Variants in ZDHHC4 observed in about 807,000 individuals in gnomAD.
The protein encoded by ZDHHC4 is palmitoyltransferase ZDHHC4.
In ZDHHC4, 42 loss-of-function variants were observed where a neutral mutation model predicts 36.7. The ratio of observed to expected loss-of-function variants is 1.14; its 90% CI spans 0.89 to 1.48. ZDHHC4 has a LOEUF of 1.48. ZDHHC4 is among the 40% of genes most tolerant of loss of function. The pLI, the probability that ZDHHC4 is intolerant of heterozygous loss-of-function variation, is 0.00. For synonymous variants in ZDHHC4, 189 were observed against 166.6 expected (o/e 1.13, Z -1.03); for missense variants, 457 against 421.5 (o/e 1.08, Z -0.74).
At chr7:6,580,909 C>A in intron 3 of ZDHHC4, 1 of 521,792 alleles carries the variant, frequency 1.9e-6, no homozygotes, top group Non-Finnish European at 3.4e-6. Flanking sequence ...GAGTGAGACC[C>A]TGTCTCAACA....
At chr7:6,579,155 T>C (rs1266090927) in intron 2 of ZDHHC4, among the ~76,000 whole-genome samples, 1 of 151,390 alleles carries the variant, frequency 6.6e-6, no homozygotes, top group Admixed American at 6.6e-5. Context: ...TTCTTTTTTT[T>C]TCTTAAACCG....
rs1479420889 is a variant in ZDHHC4, at chr7:6,585,103, T to G, written c.584T>G (p.Leu195Arg). Residue 195 changes from leucine (L) to arginine (R), a missense_variant, in exon 7 of 8, where the codon CTC becomes CGC. Physicochemically the swap from Leu to Arg is moderately radical, Grantham distance 102. Transcript: ENST00000335965. ...GGGGCCTGGAACATCAGGTACTTCC[T>G]CATCTACGTCTTGACCTTGACGGCC... ...CIGAWNIRYF[L>R]IYVLTLTASA... 2 of 1,614,028 alleles carry G rather than the reference T, an allele frequency of 1.2e-6. No homozygotes were observed. Among genetic ancestry groups the G allele is most frequent in the East Asian group, 4.5e-5 (2 of 44,882 alleles).
At chr7:6,578,151 G>C (rs1288902339) in intron 1 of ZDHHC4, among the ~76,000 whole-genome samples, 1 of 151,958 alleles carries the variant, frequency 6.6e-6, no homozygotes, top group Non-Finnish European at 1.5e-5. Context: ...TTTTAGAGAT[G>C]GGGTCCAGCT....
intron 2 of ZDHHC4, 32 bp from the exon 3 acceptor site, chr7:6,580,523 C>A (rs746463992): frequency 1.3e-6 from 2 of 1,566,782 alleles, no homozygotes; most frequent in Admixed American, 3.3e-5. Flanking sequence ...CTTTCAGTAG[C>A]AGATAGTCAC....
At chr7:6,585,803 C>G (rs1331928170) in intron 7 of ZDHHC4, among the ~76,000 whole-genome samples, 2 of 151,664 alleles carry the variant, frequency 1.3e-5, no homozygotes, top group African/African-American at 4.8e-5. Context: ...AAGACCCTGT[C>G]TCAGAAACTA....
chr7:6,585,526 C>T (rs891715469), intron 7 of ZDHHC4, among the ~76,000 whole-genome samples: 1 of 151,924 alleles, frequency 6.6e-6, no homozygotes, highest in Non-Finnish European at 1.5e-5. Flanking sequence ...GAGCCAGGGC[C>T]GGGTGCAGTG....
At chr7:6,586,118 A>C (rs1043149716) in intron 7 of ZDHHC4, among the ~76,000 whole-genome samples, 1 of 151,744 alleles carries the variant, frequency 6.6e-6, no homozygotes, top group Non-Finnish European at 1.5e-5. Context: ...GTGCCATTGC[A>C]CTCCAGCCTG....
chr7:6,588,734 AC>A lies in ZDHHC4; in HGVS notation c.860del (p.Thr287IlefsTer68), dbSNP rs1168894887. 9 of 1,614,080 alleles carry A rather than the reference AC, an allele frequency of 5.6e-6. No homozygotes were observed. The highest frequency in any genetic ancestry group is 7.6e-6 in the Non-Finnish European group (9 of 1,180,042). ...VLYLAATNQT[T>X]NEWYRGDWAW... The stretch of plus-strand genomic sequence containing the variant: ...GTATCTGGCGGCCACCAACCAGACT[AC>A]TAACGAGTGGTACAGAGGTGACTGG... On this transcript the variant is annotated frameshift_variant, in exon 8 of 8. Transcript: ENST00000335965. LOFTEE classifies it high-confidence loss of function.
chr7:6,587,207 C>T (rs1380018657), intron 7 of ZDHHC4, among the ~76,000 whole-genome samples: 2 of 152,030 alleles, frequency 1.3e-5, no homozygotes, highest in Non-Finnish European at 2.9e-5. Context: ...ATGACTGGCC[C>T]AGAATCACTT....
intron 2 of ZDHHC4, among the ~76,000 whole-genome samples, chr7:6,580,262 G>C (rs1251346645): frequency 6.6e-6 from 1 of 152,028 alleles, no homozygotes; most frequent in East Asian, 1.9e-4. Context: ...CTGCTTCCCA[G>C]AGTGCTGGGA....
In ZDHHC4 at chr7:6,584,674, C is replaced by T. The variant is rs189485607; in HGVS notation, c.497-342C>T. Among the ~76,000 whole-genome samples, 333 of 152,250 alleles carry T rather than the reference C, an allele frequency of 2.2e-3. 1 individual carries two copies. The highest frequency in any genetic ancestry group is 7.5e-3 in the African/African-American group (311 of 41,546). On this transcript the variant is annotated intron_variant, in intron 6 of 7. Transcript: ENST00000335965. ...TTTGAGATAGGGTCTCACTCCATTA[C>T]CCAGGCTGGAGTGCTGTGACGTGAT...
chr7:6,582,783 T>G (rs1234990340), intron 5 of ZDHHC4, among the ~76,000 whole-genome samples: 1 of 152,180 alleles, frequency 6.6e-6, no homozygotes, highest in Non-Finnish European at 1.5e-5. Flanking sequence ...CCCAAAGTGC[T>G]GAGACTACAG....
rs1780902391 is a variant in ZDHHC4 at position 6,582,207 on chromosome 7, G to A, written c.326G>A (p.Gly109Asp). 2.5e-6 allele frequency: 4 copies of A among 1,614,004 alleles called. No homozygotes were observed. In the East Asian group the frequency reaches 8.9e-5, roughly 36 times the overall value. ...CTTCTTCTGCCCTATCTGCTGCTAG[G>A]TGTAAACCTGTTTTTTTTCACCCTG... ...HYLLLPYLLL[G>D]VNLFFFTLTC... The change falls in exon 5 of 8, where the codon GGT becomes GAT. Residue 109 changes from glycine (G) to aspartate (D), a missense_variant. By Grantham distance (94) the Gly-to-Asp change is moderately conservative (BLOSUM62 -1). Coordinates refer to ENST00000335965, the MANE Select transcript of ZDHHC4 (RefSeq NM_001134389.2).
chr7:6,588,591 A>C, intron 7 of ZDHHC4, 26 bp from the exon 8 acceptor site: 1 of 1,609,568 alleles, frequency 6.2e-7, no homozygotes, highest in Non-Finnish European at 8.5e-7. Flanking sequence ...CAGCTGCCTA[A>C]AGCACTACCT....
chr7:6,579,763 G>T (rs34566172), intron 2 of ZDHHC4, among the ~76,000 whole-genome samples: 61,246 of 152,094 alleles, frequency 0.4, 13,456 homozygotes, highest in African/African-American at 0.58. Flanking sequence ...GAGGATGCAT[G>T]TTCTTTCTTG....
At chr7:6,580,425 G>A in intron 2 of ZDHHC4, 130 bp from the exon 3 acceptor site, 1 of 765,268 alleles carries the variant, frequency 1.3e-6, no homozygotes, top group Non-Finnish European at 2.3e-6. Flanking sequence ...TCTGCTTTTT[G>A]CTTTGAGATG....
At chr7:6,578,017 G>C (rs994054465) in intron 1 of ZDHHC4, among the ~76,000 whole-genome samples, 1 of 152,106 alleles carries the variant, frequency 6.6e-6, no homozygotes, top group Non-Finnish European at 1.5e-5. Context: ...ATTTAGTAGA[G>C]ACGGATTTCA....
chr7:6,585,087 A>AAC lies in ZDHHC4; in HGVS notation c.570_571dup (p.Ile191ThrfsTer10). Reference sequence around the variant, plus strand: ...GGTGAACAACTGCATCGGGGCCTGGAACATCAGGTACTTCCTCATCTACGT... The same window carrying AAC: ...GGTGAACAACTGCATCGGGGCCTGGAACACATCAGGTACTTCCTCATCTACGT... On this transcript the variant is annotated frameshift_variant, in exon 7 of 8. Coordinates refer to ENST00000335965, the MANE Select transcript of ZDHHC4 (RefSeq NM_001134389.2). LOFTEE classifies it high-confidence loss of function. 1 of 1,614,104 alleles carries AAC rather than the reference A, an allele frequency of 6.2e-7. No homozygotes were observed. The highest frequency in any genetic ancestry group is 1.3e-5 in the African/African-American group (1 of 75,020).
At chr7:6,580,084 A>C (rs1458627614) in intron 2 of ZDHHC4, among the ~76,000 whole-genome samples, 1 of 152,152 alleles carries the variant, frequency 6.6e-6, no homozygotes, top group African/African-American at 2.4e-5. Flanking sequence ...GCAGTGAGCC[A>C]AGATCACGCC....
Sources: gnomAD v4.1 joint callset for allele counts (sites outside exome capture counted in the v4.1 genomes callset) on GRCh38, gnomAD v4.1.1 for gene constraint, MANE v1.5 for transcripts, NCBI Gene and HGNC (gene_info 2026-07-23, HGNC 2026-07-21) for gene names.